STK10: variants seen among roughly 807,000 people sequenced by gnomAD.
STK10 encodes serine/threonine-protein kinase 10.
A neutral mutation model predicts 113.8 loss-of-function variants in STK10; 78 were observed. The observed-to-expected ratio is 0.69, with a 90% CI of 0.57 to 0.83. The LOEUF (loss-of-function observed/expected upper bound fraction) is 0.83, where lower values mean the gene tolerates loss of function less well. Ranked by LOEUF, STK10 falls within the 40% of genes least tolerant of loss-of-function variation. The probability of loss-of-function intolerance (pLI) is 0.00; values close to 1 mark genes in which losing one functional copy is unlikely to be tolerated. For synonymous variants in STK10, 465 were observed against 494.7 expected (o/e 0.94, Z 0.80); for missense variants, 1,109 against 1,280.1 (o/e 0.87, Z 2.04).
chr5:172,052,332 G>A (rs568200720), intron 18 of STK10, among the ~76,000 whole-genome samples: 3 of 152,268 alleles, frequency 2.0e-5, no homozygotes, highest in African/African-American at 4.8e-5. Context: ...GGATTCTGTC[G>A]AAAGCTGAAT....
intron 8 of STK10, 91 bp downstream of exon 8, chr5:172,096,335 T>A: frequency 6.4e-7 from 1 of 1,565,374 alleles, no homozygotes; most frequent in Non-Finnish European, 8.6e-7. Context: ...TGAGCCAGAG[T>A]CCTGGCCTTC....
At chr5:172,128,585 C>T (rs953080621) in intron 2 of STK10, among the ~76,000 whole-genome samples, 2 of 152,236 alleles carry the variant, frequency 1.3e-5, no homozygotes, top group Non-Finnish European at 2.9e-5. Flanking sequence ...CCCGCCCTGG[C>T]CTCCCAAAGT....
intron 10 of STK10, among the ~76,000 whole-genome samples, chr5:172,085,627 TGTA>T (rs1266068021): frequency 6.8e-6 from 1 of 146,004 alleles, no homozygotes; most frequent in African/African-American, 2.5e-5. Context: ...AGGCAGAGGT[TGTA>T]GTGAGCCGAG....
intron 15 of STK10, 99 bp downstream of exon 15, chr5:172,057,250 A>C (rs1421137551): frequency 9.3e-6 from 14 of 1,501,358 alleles, no homozygotes; most frequent in South Asian, 7.3e-5. Context: ...CTTGTCATCC[A>C]AAGTGTGCAC....
intron 10 of STK10, among the ~76,000 whole-genome samples, chr5:172,084,167 C>T (rs926272950): frequency 2.6e-5 from 4 of 151,642 alleles, no homozygotes; most frequent in Non-Finnish European, 1.5e-5. Flanking sequence ...TTTGGGAGGC[C>T]GAGGAGGGTG....
Position 172,064,856 on chromosome 5 carries a change from C to T in STK10, c.1990-44G>A, listed in dbSNP as rs546465766. Reference sequence around the variant, plus strand: ...AGAGTAGCTGGGTCAGGGTCCTCTCCATGCTTCCTACAGTATAATCTTCAA... The same window carrying T: ...AGAGTAGCTGGGTCAGGGTCCTCTCTATGCTTCCTACAGTATAATCTTCAA... On this transcript the variant is annotated intron_variant, in intron 12 of 18. Transcript: ENST00000176763. 7.5e-6 allele frequency: 12 copies of T among 1,595,382 alleles called. No homozygotes were observed. In the Admixed American group the frequency reaches 1.7e-4, roughly 22 times the overall value.
intron 5 of STK10, chr5:172,107,028 C>A: frequency 2.2e-6 from 1 of 444,756 alleles, no homozygotes; most frequent in Non-Finnish European, 4.0e-6. Context: ...TGCTGCAGTT[C>A]CGATGCCTAC....
intron 1 of STK10, among the ~76,000 whole-genome samples, chr5:172,176,620 T>C (rs7722157): frequency 0.43 from 64,596 of 151,626 alleles, 16,303 homozygotes; most frequent in African/African-American, 0.72. Flanking sequence ...AAGACAGTCC[T>C]TCTCTAATGT....
chr5:172,150,714 G>A (rs558593882), intron 2 of STK10, among the ~76,000 whole-genome samples: 21 of 152,300 alleles, frequency 1.4e-4, no homozygotes, highest in East Asian at 3.9e-4. Context: ...GGCCAGCAAC[G>A]TGTGGTCATA....
intron 9 of STK10, 95 bp from the exon 10 acceptor site, chr5:172,090,457 G>C: frequency 6.6e-7 from 1 of 1,504,190 alleles, no homozygotes; most frequent in African/African-American, 1.4e-5. Context: ...TGGGCCCACA[G>C]CTTCAGAACC....
chr5:172,184,622 C>T (rs1219273158), intron 1 of STK10, among the ~76,000 whole-genome samples: 1 of 152,016 alleles, frequency 6.6e-6, no homozygotes, highest in African/African-American at 2.4e-5. Flanking sequence ...AGACAGCTCA[C>T]AACTTTGAGA....
chr5:172,054,663 G>A lies in STK10; in HGVS notation c.2558C>T (p.Ser853Leu), dbSNP rs56066852. 0.012 allele frequency: 20,134 copies of A among 1,610,816 alleles called. 173 individuals carry two copies. Among genetic ancestry groups the A allele is most frequent in the South Asian group, 0.023 (2,126 of 91,078 alleles). Residue 853 changes from serine to leucine, a missense_variant, in exon 17 of 19, where the codon TCG becomes TTG. This residue lies in a region of STK10 where 885 missense variants were observed against 991.1 expected (regional missense o/e 0.89). Transcript: ENST00000176763. ...TTTCTGCTGTTGCTGCAGCCGCTCC[G>A]ACTTCTGCCTCTTCTCCTCCTGCTG... ...FSQQEEKRQK[S>L]ERLQQQQKHE...
At chr5:172,083,790 C>T (rs1768485327) in intron 10 of STK10, among the ~76,000 whole-genome samples, 1 of 151,954 alleles carries the variant, frequency 6.6e-6, no homozygotes, top group Non-Finnish European at 1.5e-5. Context: ...CGCCTGTACT[C>T]CCAGCTACTC....
intron 4 of STK10, among the ~76,000 whole-genome samples, chr5:172,110,524 G>A (rs1351452188): frequency 2.0e-5 from 3 of 152,138 alleles, no homozygotes; most frequent in Non-Finnish European, 4.4e-5. Flanking sequence ...GGTGCAGGGT[G>A]GGGAGCTACT....
At chr5:172,155,981 C>T (rs1331094422) in intron 2 of STK10, among the ~76,000 whole-genome samples, 1 of 150,270 alleles carries the variant, frequency 6.7e-6, no homozygotes, top group Non-Finnish European at 1.5e-5. Context: ...GGCAACAGAA[C>T]GAGGCTCCAT....
At chr5:172,164,600 G>A (rs1173135912) in intron 1 of STK10, among the ~76,000 whole-genome samples, 1 of 152,180 alleles carries the variant, frequency 6.6e-6, no homozygotes, top group East Asian at 1.9e-4. Flanking sequence ...TGCCAGAGAT[G>A]CCTGTATATT....
intron 2 of STK10, among the ~76,000 whole-genome samples, chr5:172,136,592 G>A (rs531530778): frequency 1.3e-4 from 18 of 141,858 alleles, no homozygotes; most frequent in East Asian, 5.8e-4. Context: ...GCGAGACTCC[G>A]TCTCAAAATA....
intron 1 of STK10, among the ~76,000 whole-genome samples, chr5:172,185,391 C>A (rs944923001): frequency 2.6e-5 from 4 of 152,148 alleles, no homozygotes; most frequent in Non-Finnish European, 5.9e-5. Flanking sequence ...GCCTCAGCCT[C>A]CTGAGACGCT....
In STK10 at chr5:172,044,922, G is replaced by A. The variant is rs538956060; in HGVS notation, c.2867C>T (p.Ala956Val). 2 of 1,614,226 alleles carry A rather than the reference G, an allele frequency of 1.2e-6. No homozygotes were observed. The highest frequency in any genetic ancestry group is 2.2e-5 in the East Asian group (1 of 44,884). ...ECPNPSTPSK[A>V]AKFFPYSSAD... The stretch of plus-strand genomic sequence containing the variant: ...AGAACTGTAGGGGAAGAACTTGGCG[G>A]CCTTGCTTGGGGTGGAGGGGTTTGG... The change falls in exon 19 of 19, where the codon GCC (alanine) becomes GTC (valine). Residue 956 changes from alanine to valine, a missense_variant. Ala to Val is a moderately conservative substitution (Grantham distance 64). Around this residue, in one of 5 missense-constraint regions of STK10, gnomAD observed 885 missense variants for 991.1 expected, o/e 0.89. Transcript: ENST00000176763. The surrounding 1 kb of genome is among the most constrained non-coding windows in gnomAD (Gnocchi z 4.5).
Sources: gnomAD v4.1 joint callset for allele counts (sites outside exome capture counted in the v4.1 genomes callset) on GRCh38, gnomAD v4.1.1 for gene constraint, gnomAD v4.1.1 regional missense constraint, Gnocchi (gnomAD v3.1) non-coding constraint, MANE v1.5 for transcripts, NCBI Gene and HGNC (gene_info 2026-07-23, HGNC 2026-07-21) for gene names.